Variants in PELP1 observed in about 807,000 individuals in gnomAD.
The protein encoded by PELP1 is proline-, glutamic acid- and leucine-rich protein 1.
Under a neutral mutation model 95.5 loss-of-function variants are expected in PELP1, and 32 were observed. The observed-to-expected ratio is 0.34, with a 90% confidence interval of 0.25 to 0.45. PELP1 has a LOEUF of 0.45. PELP1 is among the 20% of genes least tolerant of loss of function. The probability of loss-of-function intolerance (pLI) is 1.00; values close to 1 mark genes in which losing one functional copy is unlikely to be tolerated. For synonymous variants in PELP1, 668 were observed against 600.1 expected (o/e 1.11, Z -1.65); for missense variants, 1,358 against 1,444.8 (o/e 0.94, Z 0.97).
chr17:4,683,974 A>C (rs941008641), intron 3 of PELP1, among the ~76,000 whole-genome samples: 10 of 151,662 alleles, frequency 6.6e-5, no homozygotes, highest in African/African-American at 2.2e-4. Context: ...AGAAAGGGAG[A>C]AGAGCACTTT....
intron 5 of PELP1, among the ~76,000 whole-genome samples, chr17:4,680,569 C>T (rs9896316): frequency 2.0e-5 from 3 of 152,126 alleles, no homozygotes; most frequent in Non-Finnish European, 2.9e-5. Flanking sequence ...TGAGCCACCA[C>T]GCCCAGCCTC....
intron 5 of PELP1, among the ~76,000 whole-genome samples, chr17:4,681,629 A>G (rs140484958): frequency 8.6e-4 from 129 of 150,218 alleles, no homozygotes; most frequent in African/African-American, 2.7e-3. Flanking sequence ...ATGAAACCCC[A>G]TCTCTACTAA....
At chr17:4,691,518 G>A (rs1473612444) in intron 1 of PELP1, 76 bp from the exon 2 acceptor site, 3 of 1,179,250 alleles carry the variant, frequency 2.5e-6, no homozygotes, top group Non-Finnish European at 3.8e-6. Context: ...GCCCTTCTCT[G>A]TCCCAGCACC....
At chr17:4,698,727 A>ATGTTGTTGT (rs58806307) in intron 1 of PELP1, among the ~76,000 whole-genome samples, 1 of 151,342 alleles carries the variant, frequency 6.6e-6, no homozygotes, top group African/African-American at 2.4e-5. Flanking sequence ...TGGACTAGAA[A>ATGTTGTTGT]TGTTGTTGTT....
chr17:4,678,163 G>C (rs141340800), intron 5 of PELP1, among the ~76,000 whole-genome samples: 1 of 151,428 alleles, frequency 6.6e-6, no homozygotes, highest in Non-Finnish European at 1.5e-5. Flanking sequence ...GCAGTGAGCC[G>C]AGATCACGCC....
In PELP1 at chr17:4,672,562, G is replaced by T. The variant is rs537152996; in HGVS notation, c.2429C>A (p.Pro810His). 3.3e-5 allele frequency: 53 copies of T among 1,582,254 alleles called. No individual in the cohort carries two copies. In the South Asian group the frequency reaches 5.9e-4, roughly 18 times the overall value. ...PPPPSGATPP[P>H]IAPTGPPTAS... ...TGTTGGTGGCCCAGTGGGGGCTATAGGGGGTGGTGTGGCACCTGAGGGTGG... is the reference window on the plus strand; with the variant it reads ...TGTTGGTGGCCCAGTGGGGGCTATATGGGGTGGTGTGGCACCTGAGGGTGG... Residue 810 changes from proline to histidine, a missense_variant, in exon 16 of 17, where the codon CCT becomes CAT. Physicochemically the swap from Pro to His is moderately conservative, Grantham distance 77 (BLOSUM62 -2). This residue lies in a region of PELP1 where 340 missense variants were observed against 322.9 expected (regional missense o/e 1.05). Transcript: ENST00000572293.
rs778437574 is a variant in PELP1, at chr17:4,704,097, A to G, written c.15T>C (p.Val5=). 2 of 1,608,034 alleles carry G rather than the reference A, an allele frequency of 1.2e-6. No homozygotes were observed. Among genetic ancestry groups the G allele is most frequent in the Non-Finnish European group, 1.7e-6 (2 of 1,178,282 alleles). MAAA[V]LSGPSAGSAA... ...CGGAGCCCGCAGAGGGCCCACTCAG[A>G]ACGGCTGCCGCCATCTTCCCCCGGG... Residue 5 remains valine, a synonymous_variant, in exon 1 of 17, where the codon GTT becomes GTC. Coordinates refer to ENST00000572293, the MANE Select transcript of PELP1 (RefSeq NM_014389.3).
In PELP1 at chr17:4,672,309, TTCC is replaced by T. The variant is rs1912248698; in HGVS notation, c.2679_2681del (p.Glu908del). 1.9e-6 allele frequency: 3 copies of T among 1,551,726 alleles called. No homozygotes were observed. Among genetic ancestry groups the T allele is most frequent in the South Asian group, 1.2e-5 (1 of 84,062 alleles). On this transcript the variant is annotated inframe_deletion, in exon 16 of 17. Transcript: ENST00000572293. ...CTTCCTCTTCTTCTTCTTCCTCTTC[TTCC>T]TCTTCCTCCTCCTCTTCATCACTGC...
intron 1 of PELP1, among the ~76,000 whole-genome samples, chr17:4,703,457 C>G (rs1290178445): frequency 1.3e-5 from 2 of 152,152 alleles, no homozygotes; most frequent in African/African-American, 2.4e-5. Context: ...GTAACCGGAG[C>G]GCCTAGTACA....
rs758163168 is a variant in PELP1 at position 4,672,774 on chromosome 17, G to A, written c.2217C>T (p.Ile739=). 6.2e-7 allele frequency: 1 copy of A among 1,613,714 alleles called. No individual in the cohort carries two copies. The highest frequency in any genetic ancestry group is 8.5e-7 in the Non-Finnish European group (1 of 1,179,730). The change falls in exon 16 of 17, where the codon ATC becomes ATT. Residue 739 remains isoleucine (I), a synonymous_variant. Transcript: ENST00000572293. ...NHRAGSNEDP[I]LAPSGTPPPT... ...GTGGGGGAGTCCCACTAGGGGCAAG[G>A]ATGGGGTCCTCATTTGAGCCTGCCC... is the stretch of plus-strand genomic sequence containing the variant.
At chr17:4,691,788 T>C (rs1180026189) in intron 1 of PELP1, 1 of 231,912 alleles carries the variant, frequency 4.3e-6, no homozygotes, top group African/African-American at 2.3e-5. Flanking sequence ...GAGACATCCA[T>C]AAATGCTTGC....
At chr17:4,701,894 G>C (rs190715906) in intron 1 of PELP1, among the ~76,000 whole-genome samples, 4 of 152,280 alleles carry the variant, frequency 2.6e-5, no homozygotes, top group Non-Finnish European at 5.9e-5. Context: ...AAGGCAGGAT[G>C]TATCTAAACA....
chr17:4,699,892 G>A (rs1366704316), intron 1 of PELP1, among the ~76,000 whole-genome samples: 4 of 122,898 alleles, frequency 3.3e-5, no homozygotes, highest in African/African-American at 1.2e-4. Flanking sequence ...CAGCCCTAGA[G>A]GGTGATTTTT....
In PELP1 at chr17:4,682,968, A is replaced by G; in HGVS notation, c.421-16T>C. ...GGTCCTGGGTCTAAAGAAAAAAATA[A>G]TGTCTCGTGCTTCCAGCCTCACCTT... On this transcript the variant is annotated splice_polypyrimidine_tract_variant and intron_variant, in intron 3 of 16. Coordinates refer to ENST00000572293, the MANE Select transcript of PELP1 (RefSeq NM_014389.3). 6.8e-7 allele frequency: 1 copy of G among 1,461,222 alleles called. No individual in the cohort carries two copies. The highest frequency in any genetic ancestry group is 9.0e-7 in the Non-Finnish European group (1 of 1,105,676). 90.5% of individuals were successfully genotyped at this position (1,461,222 alleles called of 1,614,324 possible).
At position 4,704,052 on chromosome 17, in the gene PELP1, C is replaced by T; in HGVS notation, c.60G>A (p.Gly20=). The change falls in exon 1 of 17, where the codon GGG becomes GGA. Residue 20 remains glycine, a synonymous_variant. Coordinates refer to ENST00000572293, the MANE Select transcript of PELP1 (RefSeq NM_014389.3). ...SAGSAAGVPG[G]TGGLSAVSSG... ...AGCTCACTGCCGAGAGACCCCCGGT[C>T]CCGCCAGGAACCCCAGCCGCGGAGC... 1.9e-6 allele frequency: 3 copies of T among 1,612,528 alleles called. No individual in the cohort carries two copies. Among genetic ancestry groups the T allele is most frequent in the Non-Finnish European group, 2.5e-6 (3 of 1,179,632 alleles).
chr17:4,692,495 A>T (rs1383347864), intron 1 of PELP1, among the ~76,000 whole-genome samples: 1 of 151,934 alleles, frequency 6.6e-6, no homozygotes, highest in African/African-American at 2.4e-5. Flanking sequence ...TATTTACTTG[A>T]TATATACTTC....
chr17:4,685,319 A>C (rs1912867689), intron 3 of PELP1, among the ~76,000 whole-genome samples: 1 of 151,974 alleles, frequency 6.6e-6, no homozygotes, highest in African/African-American at 2.4e-5. Context: ...CCAGCCCGCA[A>C]TCCCGGTTAT....
chr17:4,695,671 A>G (rs1913270712), intron 1 of PELP1, among the ~76,000 whole-genome samples: 1 of 131,680 alleles, frequency 7.6e-6, no homozygotes, highest in Middle Eastern at 3.9e-3. Context: ...CTCTCTTAAA[A>G]AAAAAAAAAA....
intron 3 of PELP1, among the ~76,000 whole-genome samples, chr17:4,685,791 T>TAAAAAAAAA: frequency 2.5e-4 from 1 of 4,048 alleles, no homozygotes; most frequent in African/African-American, 3.8e-4. Context: ...AAACCATGTC[T>TAAAAAAAAA]TAAAAAAAAA....
Sources: gnomAD v4.1 joint callset for allele counts (sites outside exome capture counted in the v4.1 genomes callset) on GRCh38, gnomAD v4.1.1 for gene constraint, gnomAD v4.1.1 regional missense constraint, MANE v1.5 for transcripts, NCBI Gene and HGNC (gene_info 2026-07-23, HGNC 2026-07-21) for gene names.